Variants in DAAM1 observed in about 807,000 individuals in gnomAD.
The protein encoded by DAAM1 is dishevelled associated activator of morphogenesis 1.
A neutral mutation model predicts 130.0 loss-of-function variants in DAAM1; 52 were observed. The ratio of observed to expected loss-of-function variants is 0.40; its 90% CI spans 0.32 to 0.50. The LOEUF (loss-of-function observed/expected upper bound fraction) is 0.50, where lower values mean the gene tolerates loss of function less well. Among genes scored for constraint, DAAM1 ranks in the 20% least tolerant of loss-of-function variants. The pLI is 0.61. For synonymous variants in DAAM1, 452 were observed against 444.5 expected (o/e 1.02, Z -0.21); for missense variants, 1,134 against 1,303.8 (o/e 0.87, Z 2.01).
intron 1 of DAAM1, among the ~76,000 whole-genome samples, chr14:59,241,831 T>A (rs957484231): frequency 2.0e-5 from 3 of 152,354 alleles, no homozygotes; most frequent in Non-Finnish European, 4.4e-5. Context: ...ACTTTTATAC[T>A]AATCCTAGAT....
At chr14:59,260,038 C>G (rs758202232) in intron 1 of DAAM1, among the ~76,000 whole-genome samples, 4 of 151,414 alleles carry the variant, frequency 2.6e-5, no homozygotes, top group Non-Finnish European at 5.9e-5. Context: ...AGCAAGACTC[C>G]GTCTCAAAAA....
chr14:59,292,126 C>T (rs1012871855), intron 3 of DAAM1, among the ~76,000 whole-genome samples: 6 of 152,146 alleles, frequency 3.9e-5, no homozygotes, highest in African/African-American at 1.2e-4. Flanking sequence ...TCCTTCTGTT[C>T]ATGGCCACCT....
chr14:59,313,495 T>C (rs1884671694), intron 3 of DAAM1, among the ~76,000 whole-genome samples: 1 of 152,264 alleles, frequency 6.6e-6, no homozygotes, highest in African/African-American at 2.4e-5. Flanking sequence ...GTTTCAAGAA[T>C]GGTCTCTCTT....
At chr14:59,366,128 A>G (rs893664944) in intron 23 of DAAM1, among the ~76,000 whole-genome samples, 3 of 141,234 alleles carry the variant, frequency 2.1e-5, no homozygotes, top group Admixed American at 6.7e-5. Flanking sequence ...GCATGTACCT[A>G]TAGTCCCAGC....
At position 59,263,441 on chromosome 14, in the gene DAAM1, C is replaced by A. The variant is rs761022306; in HGVS notation, c.-37C>A. On this transcript the variant is annotated splice_region_variant and 5_prime_UTR_variant, in exon 2 of 25. Coordinates refer to ENST00000360909, the MANE Select transcript of DAAM1 (RefSeq NM_001270520.2). Reference sequence around the variant, plus strand: ...ACCATGTCATATCCTCTTTTTGCAGCGTTTAGTCACATCAAGAAATAGAAC... The same window carrying A: ...ACCATGTCATATCCTCTTTTTGCAGAGTTTAGTCACATCAAGAAATAGAAC... 3.1e-6 allele frequency: 5 copies of A among 1,610,120 alleles called. No individual in the cohort carries two copies. The highest frequency in any genetic ancestry group is 1.7e-4 in the Middle Eastern group (1 of 6,046).
intron 1 of DAAM1, among the ~76,000 whole-genome samples, chr14:59,259,950 A>G (rs1882092529): frequency 6.6e-6 from 1 of 152,232 alleles, no homozygotes; most frequent in Non-Finnish European, 1.5e-5. Context: ...AGGCTGAGGC[A>G]GGAGAATGGC....
intron 1 of DAAM1, among the ~76,000 whole-genome samples, chr14:59,190,488 G>A (rs543008267): frequency 7.2e-5 from 11 of 152,260 alleles, no homozygotes; most frequent in African/African-American, 2.6e-4. Flanking sequence ...TTTGCTCTAG[G>A]TGCAGCTGAT....
chr14:59,217,045 T>G (rs185770641), intron 1 of DAAM1, among the ~76,000 whole-genome samples: 72 of 152,304 alleles, frequency 4.7e-4, no homozygotes, highest in African/African-American at 1.7e-3. Flanking sequence ...TGATCCACGT[T>G]TGTTTGTCTT....
At chr14:59,196,406 G>C (rs1887890936) in intron 1 of DAAM1, among the ~76,000 whole-genome samples, 1 of 152,184 alleles carries the variant, frequency 6.6e-6, no homozygotes, top group African/African-American at 2.4e-5. Context: ...AAGAGGTTTA[G>C]ACCAGGGACC....
chr14:59,256,193 G>A (rs530607704), intron 1 of DAAM1, among the ~76,000 whole-genome samples: 11 of 152,300 alleles, frequency 7.2e-5, no homozygotes, highest in African/African-American at 2.6e-4. Context: ...TTGGTTTGTG[G>A]AAAACAAACT....
intron 1 of DAAM1, among the ~76,000 whole-genome samples, chr14:59,247,799 A>G (rs187863812): frequency 9.2e-5 from 14 of 151,898 alleles, no homozygotes; most frequent in Admixed American, 7.9e-4. Context: ...GGGTTTTGGT[A>G]TCTTATTTTA....
At chr14:59,354,103 C>G in intron 19 of DAAM1, 139 bp downstream of exon 19, 1 of 785,804 alleles carries the variant, frequency 1.3e-6, no homozygotes, top group Non-Finnish European at 2.0e-6. Context: ...CACAGTTGCC[C>G]AGGCTGGAGT....
intron 1 of DAAM1, among the ~76,000 whole-genome samples, chr14:59,219,207 C>G (rs1436798499): frequency 6.6e-6 from 1 of 152,210 alleles, no homozygotes; most frequent in Non-Finnish European, 1.5e-5. Context: ...GTTCTACAGC[C>G]AGTGTGTAAT....
At chr14:59,259,116 G>T (rs1328692628) in intron 1 of DAAM1, among the ~76,000 whole-genome samples, 1 of 152,200 alleles carries the variant, frequency 6.6e-6, no homozygotes, top group Admixed American at 6.5e-5. Context: ...TTGGGTTTAA[G>T]TGAAACTTGT....
chr14:59,282,225 T>C (rs929184168), intron 2 of DAAM1, among the ~76,000 whole-genome samples: 2 of 152,162 alleles, frequency 1.3e-5, no homozygotes, highest in Non-Finnish European at 2.9e-5. Flanking sequence ...CTTCCCTGAT[T>C]GTTCATTGTG....
intron 10 of DAAM1, among the ~76,000 whole-genome samples, 196 bp from the exon 11 acceptor site, chr14:59,326,314 G>T (rs1885201005): frequency 6.6e-6 from 1 of 152,158 alleles, no homozygotes; most frequent in Admixed American, 6.5e-5. Flanking sequence ...AACCTGTTCA[G>T]AAAGGGGTAG....
chr14:59,322,762 CT>C (rs1464460861), intron 5 of DAAM1, 129 bp from the exon 6 acceptor site: 1 of 711,986 alleles, frequency 1.4e-6, no homozygotes, highest in Non-Finnish European at 2.3e-6. Flanking sequence ...ATTAAAAAGA[CT>C]TCATCAATGT....
At chr14:59,193,317 A>G (rs892590861) in intron 1 of DAAM1, among the ~76,000 whole-genome samples, 10 of 152,248 alleles carry the variant, frequency 6.6e-5, no homozygotes, top group Admixed American at 5.9e-4. Context: ...TGAAGTGTGG[A>G]TCTGAAGTTC....
chr14:59,287,756 A>G (rs1259707993), intron 2 of DAAM1, among the ~76,000 whole-genome samples: 2 of 152,124 alleles, frequency 1.3e-5, no homozygotes, highest in African/African-American at 4.8e-5. Flanking sequence ...ATTACACTGC[A>G]GAAAGAAATC....
Sources: allele counts gnomAD v4.1 joint callset (sites outside exome capture counted in the v4.1 genomes callset), GRCh38; gene constraint gnomAD v4.1.1; transcripts MANE v1.5; gene names NCBI Gene and HGNC (gene_info 2026-07-23, HGNC 2026-07-21).